The following RAPGEF6 variants were observed in gnomAD, a reference collection of about 807,000 sequenced individuals.
The protein encoded by RAPGEF6 is Rap guanine nucleotide exchange factor 6.
A neutral mutation model predicts 171.4 loss-of-function variants in RAPGEF6; 56 were observed. That is an observed-to-expected ratio of 0.33 (90% confidence interval 0.26 to 0.41). The LOEUF is 0.41. Ranked by LOEUF, RAPGEF6 falls within the 10% of genes least tolerant of loss-of-function variation. The pLI, the probability that RAPGEF6 is intolerant of heterozygous loss-of-function variation, is 1.00. For synonymous variants in RAPGEF6, 692 were observed against 650.1 expected, an observed-to-expected ratio of 1.06 and a Z score of -0.98; for missense variants, 1,674 against 1,921.4, an observed-to-expected ratio of 0.87 and a Z score of 2.41.
chr5:131,528,109 T>C (rs1341502834), intron 6 of RAPGEF6, among the ~76,000 whole-genome samples: 1 of 115,598 alleles, frequency 8.7e-6, no homozygotes, highest in African/African-American at 4.4e-5. Context: ...TTATATATTA[T>C]ATATCATATA....
rs1423589831 is a variant in RAPGEF6, at chr5:131,453,100, G to A, written c.3154C>T (p.Arg1052Ter). 1 of 1,613,862 alleles carries A rather than the reference G, an allele frequency of 6.2e-7. No individual in the cohort carries two copies. Among genetic ancestry groups the A allele is most frequent in the Admixed American group, 1.7e-5 (1 of 60,014 alleles). ...GGGTCCATGTTAGCAGAAGTCATTCGAACAACTTGGCGGATTTCCTTGGAA... is the reference window on the plus strand; with the variant it reads ...GGGTCCATGTTAGCAGAAGTCATTCAAACAACTTGGCGGATTTCCTTGGAA... ...MISKEIRQVV[R>*]MTSANMDPAM... The change falls in exon 21 of 28, where the codon CGA becomes TGA. Residue 1052 changes from arginine (R) to a stop codon, truncating the protein, a stop_gained. Coordinates refer to ENST00000509018, the MANE Select transcript of RAPGEF6 (RefSeq NM_016340.6). LOFTEE classifies it high-confidence loss of function.
intron 17 of RAPGEF6, among the ~76,000 whole-genome samples, chr5:131,465,703 A>C (rs1373903564): frequency 6.6e-6 from 1 of 152,098 alleles, no homozygotes; most frequent in African/African-American, 2.4e-5. Context: ...GCATCACTTG[A>C]GCCTGGGAGG....
At chr5:131,432,572 C>T (rs961957160) in intron 25 of RAPGEF6, among the ~76,000 whole-genome samples, 2 of 151,884 alleles carry the variant, frequency 1.3e-5, no homozygotes, top group African/African-American at 2.4e-5. Flanking sequence ...GAGCCGAGAT[C>T]GCGCCAGTGC....
intron 4 of RAPGEF6, among the ~76,000 whole-genome samples, chr5:131,580,254 T>G (rs997995801): frequency 6.6e-6 from 1 of 152,076 alleles, no homozygotes; most frequent in African/African-American, 2.4e-5. Flanking sequence ...AACCAGCGCC[T>G]CCTCCACAGC....
chr5:131,630,690 T>G (rs529522024), intron 1 of RAPGEF6, among the ~76,000 whole-genome samples: 1 of 152,310 alleles, frequency 6.6e-6, no homozygotes, highest in African/African-American at 2.4e-5. Context: ...TGTCTGTACT[T>G]GATGTCTGGC....
intron 26 of RAPGEF6, 192 bp downstream of exon 26, chr5:131,430,666 TG>T: frequency 1.3e-6 from 1 of 783,044 alleles, no homozygotes; most frequent in Non-Finnish European, 2.2e-6. Flanking sequence ...TTCATTTTAA[TG>T]GGGTTGAATA....
intron 1 of RAPGEF6, among the ~76,000 whole-genome samples, chr5:131,619,595 T>C (rs963133469): frequency 6.6e-6 from 1 of 152,180 alleles, no homozygotes; most frequent in Non-Finnish European, 1.5e-5. Flanking sequence ...CATCCAATTG[T>C]TTATAAGTTC....
intron 1 of RAPGEF6, among the ~76,000 whole-genome samples, chr5:131,612,383 T>C (rs1764987420): frequency 6.6e-6 from 1 of 152,054 alleles, no homozygotes; most frequent in Admixed American, 6.5e-5. Flanking sequence ...TGTAGGCTAA[T>C]GTAAGTGTTC....
chr5:131,488,025 T>G (rs889904992), intron 15 of RAPGEF6, among the ~76,000 whole-genome samples: 1 of 152,180 alleles, frequency 6.6e-6, no homozygotes, highest in Non-Finnish European at 1.5e-5. Flanking sequence ...AATCTAAACA[T>G]GAGGTATTTA....
In RAPGEF6 at chr5:131,446,897, T is replaced by G. The variant is rs569014630; in HGVS notation, c.3201-194A>C. On this transcript the variant is annotated intron_variant, in intron 21 of 27. Coordinates refer to ENST00000509018, the MANE Select transcript of RAPGEF6 (RefSeq NM_016340.6). The stretch of plus-strand genomic sequence containing the variant: ...GAATTAAGAACAGGATTTGGCAAAG[T>G]ACAGAATTCAAAAGAATAGGATAAC... 1.8e-5 allele frequency: 10 copies of G among 568,072 alleles called. No individual in the cohort carries two copies. The South Asian group carries it at 2.0e-4, about 11-fold the overall frequency. 35.2% of individuals were successfully genotyped at this position (568,072 alleles called of 1,614,324 possible). A position where few individuals can be genotyped will look rare whatever the true frequency, so the allele number is the denominator to read the frequency against.
chr5:131,614,161 A>G (rs918773761), intron 1 of RAPGEF6, among the ~76,000 whole-genome samples: 1 of 151,598 alleles, frequency 6.6e-6, no homozygotes, highest in African/African-American at 2.4e-5. Flanking sequence ...AGGTGCCTGT[A>G]ATCCCAGCTA....
At chr5:131,486,250 G>T (rs10060798) in intron 15 of RAPGEF6, among the ~76,000 whole-genome samples, 10,971 of 152,222 alleles carry the variant, frequency 0.072, 954 homozygotes, top group African/African-American at 0.21. Flanking sequence ...AAATGGCCCT[G>T]GAAAAAGAGA....
chr5:131,543,222 C>A (rs186490314), intron 6 of RAPGEF6, among the ~76,000 whole-genome samples: 83 of 152,084 alleles, frequency 5.5e-4, no homozygotes, highest in Middle Eastern at 3.4e-3. Flanking sequence ...TAGTTAGTGG[C>A]AAGGGTATAG....
chr5:131,485,725 G>A (rs1338255384), intron 15 of RAPGEF6, among the ~76,000 whole-genome samples: 11 of 152,164 alleles, frequency 7.2e-5, no homozygotes, highest in African/African-American at 2.7e-4. Context: ...TCATGATTCT[G>A]TCCAGGTTTA....
intron 23 of RAPGEF6, among the ~76,000 whole-genome samples, chr5:131,441,889 C>T (rs962234474): frequency 6.6e-6 from 1 of 151,434 alleles, no homozygotes. Context: ...TATGGCCTAA[C>T]AGAAAAAAAA....
chr5:131,599,457 A>G (rs977607475), intron 3 of RAPGEF6, among the ~76,000 whole-genome samples: 1 of 152,308 alleles, frequency 6.6e-6, no homozygotes, highest in Admixed American at 6.5e-5. Context: ...AACAATAAAC[A>G]AATGAGCAAT....
intron 10 of RAPGEF6, among the ~76,000 whole-genome samples, chr5:131,505,025 T>G (rs144852613): frequency 6.6e-6 from 1 of 152,040 alleles, no homozygotes; most frequent in East Asian, 1.9e-4. Context: ...ACTGACACTA[T>G]GTAAAGAACA....
intron 19 of RAPGEF6, 72 bp from the exon 20 acceptor site, chr5:131,456,084 C>G (rs372310687): frequency 9.6e-7 from 1 of 1,042,502 alleles, no homozygotes; most frequent in African/African-American, 1.6e-5. Context: ...AGCATATACA[C>G]CATTTTCTCT....
chr5:131,510,637 A>C, intron 7 of RAPGEF6, 146 bp from the exon 8 acceptor site: 1 of 681,308 alleles, frequency 1.5e-6, no homozygotes, highest in Non-Finnish European at 2.3e-6. Flanking sequence ...ATAAAATGAT[A>C]CTTATTTATA....
Sources: allele counts gnomAD v4.1 joint callset (sites outside exome capture counted in the v4.1 genomes callset), GRCh38; gene constraint gnomAD v4.1.1; transcripts MANE v1.5; gene names NCBI Gene and HGNC (gene_info 2026-07-23, HGNC 2026-07-21).